The following TM2D3 variants were observed in gnomAD, a reference collection of about 807,000 sequenced individuals.
TM2D3 encodes TM2 domain-containing protein 3.
In TM2D3, 33 loss-of-function variants were observed where a neutral mutation model predicts 27.3. That is an observed-to-expected ratio of 1.21 (90% CI 0.92 to 1.61). The LOEUF (loss-of-function observed/expected upper bound fraction) is 1.61. Among genes scored for constraint, TM2D3 ranks in the 40% most tolerant of loss-of-function variants. The probability of loss-of-function intolerance (pLI) is 0.00; values close to 1 mark genes in which losing one functional copy is unlikely to be tolerated. For synonymous variants in TM2D3, 138 were observed against 122.2 expected (o/e 1.13, Z -0.85); for missense variants, 364 against 320.8 (o/e 1.13, Z -1.03).
At chr15:101,644,793 T>C (rs1295719498) in intron 5 of TM2D3, among the ~76,000 whole-genome samples, 3 of 152,232 alleles carry the variant, frequency 2.0e-5, no homozygotes, top group Admixed American at 6.5e-5. Context: ...ATTAAAGATA[T>C]ACATCATAAA....
downstream of TM2D3, among the ~76,000 whole-genome samples, chr15:101,638,453 C>G (rs928427346): frequency 3.3e-5 from 5 of 152,064 alleles, no homozygotes; most frequent in African/African-American, 9.7e-5. Context: ...TGCCACCACG[C>G]CCACCTAATT....
intron 4 of TM2D3, chr15:101,634,946 C>A (rs116750842): frequency 0.028 from 4,237 of 152,248 alleles, 112 homozygotes; most frequent in Non-Finnish European, 0.041. Flanking sequence ...CTCACTTGAG[C>A]CCAAGGGTTC....
downstream of TM2D3, among the ~76,000 whole-genome samples, chr15:101,639,435 G>T (rs1596260307): frequency 2.0e-5 from 3 of 151,504 alleles, no homozygotes; most frequent in Admixed American, 2.0e-4. Context: ...TCATTTTCAG[G>T]CTTTTTCAAT....
At chr15:101,646,382 G>C in intron 4 of TM2D3, 1 of 107,368 alleles carries the variant, frequency 9.3e-6, no homozygotes, top group Non-Finnish European at 2.4e-5. Context: ...GGAAGAGGAG[G>C]AAAGGCAACC....
exon 5 of TM2D3, chr15:101,633,263 T>C (rs1038870310): frequency 6.1e-6 from 1 of 163,214 alleles, no homozygotes; most frequent in Non-Finnish European, 1.3e-5. Context: ...GATATATTAC[T>C]TTTCTATTGC....
At chr15:101,650,996 GAAGT>G (rs1434547873) in intron 2 of TM2D3, 2 of 152,324 alleles carry the variant, frequency 1.3e-5, no homozygotes, top group Admixed American at 6.5e-5. Context: ...TCAATTCACT[GAAGT>G]AATGTCACTT....
chr15:101,642,573 A>C lies in TM2D3; in HGVS notation c.650T>G (p.Phe217Cys), dbSNP rs1355263668. Reference sequence around the variant, plus strand: ...CCATATTCCCAGGCCACCGAAGCTGAAGAGCTTGCCGAGGCCTTCCCGCCA... The same window carrying C: ...CCATATTCCCAGGCCACCGAAGCTGCAGAGCTTGCCGAGGCCTTCCCGCCA... ...GQWREGLGKL[F>C]SFGGLGIWTL... Residue 217 changes from phenylalanine to cysteine, a missense_variant, in exon 6 of 6, where the codon TTC becomes TGC. Physicochemically the swap from Phe to Cys is radical, Grantham distance 205. Coordinates refer to ENST00000333202, the MANE Select transcript of TM2D3 (RefSeq NM_078474.3). The C allele has an allele frequency of 6.2e-7, 1 of 1,612,952 alleles. No homozygotes were observed. The highest frequency in any genetic ancestry group is 8.5e-7 in the Non-Finnish European group (1 of 1,179,812).
chr15:101,643,000 C>T (rs1896707626), intron 5 of TM2D3, among the ~76,000 whole-genome samples: 1 of 152,132 alleles, frequency 6.6e-6, no homozygotes, highest in Non-Finnish European at 1.5e-5. Flanking sequence ...CTCACCACCA[C>T]CTGGACGACC....
intron 1 of TM2D3, 29 bp downstream of exon 1, chr15:101,652,242 C>A (rs992351204): frequency 2.9e-5 from 46 of 1,583,972 alleles, no homozygotes; most frequent in Non-Finnish European, 3.8e-5. Flanking sequence ...CTCAGCCCCA[C>A]CCGGCGCTGA....
chr15:101,644,038 G>A (rs1896741451), intron 5 of TM2D3, among the ~76,000 whole-genome samples: 3 of 152,066 alleles, frequency 2.0e-5, no homozygotes, highest in Non-Finnish European at 4.4e-5. Context: ...TAGAGATGGG[G>A]TTTCACCATG....
At chr15:101,633,503 G>T (rs1479344506) in exon 5 of TM2D3, 18 of 495,140 alleles carry the variant, frequency 3.6e-5, no homozygotes, top group Non-Finnish European at 5.4e-5. Flanking sequence ...GATCCCGAAG[G>T]ACACCCACAG....
chr15:101,652,188 C>T, intron 1 of TM2D3, 83 bp downstream of exon 1: 3 of 1,283,886 alleles, frequency 2.3e-6, no homozygotes, highest in Non-Finnish European at 3.3e-6. Context: ...TCAGCGTCCG[C>T]CCGTGGGCCC....
At chr15:101,647,859 G>A (rs184360180) in intron 3 of TM2D3, among the ~76,000 whole-genome samples, 43 of 151,764 alleles carry the variant, frequency 2.8e-4, no homozygotes, top group Admixed American at 2.4e-3. Context: ...GAAGCATCAT[G>A]TATATATATG....
intron 3 of TM2D3, among the ~76,000 whole-genome samples, chr15:101,649,599 C>T (rs951222272): frequency 6.6e-6 from 1 of 152,236 alleles, no homozygotes; most frequent in Non-Finnish European, 1.5e-5. Context: ...CAGATAAGCA[C>T]TGGCCCTTCA....
chr15:101,650,288 G>A (rs147348264), intron 2 of TM2D3, 127 bp from the exon 3 acceptor site: 5 of 960,084 alleles, frequency 5.2e-6, no homozygotes, highest in Non-Finnish European at 4.5e-6. Flanking sequence ...AGAAGCATGG[G>A]ACTGGAGTCA....
chr15:101,649,896 G>T, intron 3 of TM2D3, 108 bp downstream of exon 3: 3 of 1,091,918 alleles, frequency 2.7e-6, no homozygotes, highest in South Asian at 1.5e-5. Context: ...AATCATAAAA[G>T]AATATAAAAA....
At position 101,650,462 on chromosome 15, in the gene TM2D3, G is replaced by A. The variant is rs1266789763; in HGVS notation, c.170-301C>T. 3.6e-5 allele frequency: 8 copies of A among 223,960 alleles called. No homozygotes were observed. The Admixed American group carries it at 4.0e-4, about 11-fold the overall frequency. The allele number at this position is 223,960 out of a possible 1,614,324, so 13.9% of individuals were successfully genotyped here. A position where few individuals can be genotyped will look rare whatever the true frequency, so the allele number is the denominator to read the frequency against. ...TAGAAAATTCTGGGTATACATTAAG[G>A]GCTTAAAAAAAAGACTATCATTTTG... On this transcript the variant is annotated intron_variant, in intron 2 of 5. Transcript: ENST00000333202.
rs770927988 is a variant in TM2D3 at position 101,650,035 on chromosome 15, T to C, written c.296A>G (p.Asp99Gly). The change falls in exon 3 of 6, where the codon GAC becomes GGC. Residue 99 changes from aspartate (D) to glycine (G), a missense_variant. By Grantham distance (94) the Asp-to-Gly change is moderately conservative (BLOSUM62 -1). Transcript: ENST00000333202. ...GGTAACAGATGGTTTCACTGCACAG[T>C]CAAAAGTGACAGGCTTCCCATAGGT... The part of the protein sequence containing the change: ...SCTYGKPVTF[D>G]CAVKPSVTCV... The C allele has an allele frequency of 1.2e-6, 2 of 1,614,076 alleles. No homozygotes were observed. Among genetic ancestry groups the C allele is most frequent in the Admixed American group, 1.7e-5 (1 of 60,024 alleles).
intron 5 of TM2D3, 33 bp from the exon 6 acceptor site, chr15:101,642,677 C>T: frequency 9.1e-6 from 14 of 1,545,534 alleles, no homozygotes; most frequent in Non-Finnish European, 1.2e-5. Context: ...TTCCATGAGA[C>T]CACCTCCACC....
Sources: gnomAD v4.1 joint callset for allele counts (sites outside exome capture counted in the v4.1 genomes callset) on GRCh38, gnomAD v4.1.1 for gene constraint, MANE v1.5 for transcripts, NCBI Gene and HGNC (gene_info 2026-07-23, HGNC 2026-07-21) for gene names.